The following KCNB2 variants were observed in gnomAD, a reference collection of about 807,000 sequenced individuals.
KCNB2 encodes the protein delayed rectifier potassium channel protein.
Under a neutral mutation model 61.5 loss-of-function variants are expected in KCNB2, and 15 were observed. That is an observed-to-expected ratio of 0.24 (90% CI 0.16 to 0.38). The LOEUF is 0.38. Ranked by LOEUF, KCNB2 falls within the 10% of genes least tolerant of loss-of-function variation. KCNB2 has a pLI of 1.00. For synonymous variants in KCNB2, 457 were observed against 446.0 expected (o/e 1.02, Z -0.31); for missense variants, 828 against 1,125.2 (o/e 0.74, Z 3.78).
At chr8:72,746,085 A>G (rs1266034324) in intron 2 of KCNB2, among the ~76,000 whole-genome samples, 1 of 152,206 alleles carries the variant, frequency 6.6e-6, no homozygotes, top group Non-Finnish European at 1.5e-5. Context: ...CAGAAGCAGT[A>G]CTTGTTGCTT....
chr8:72,859,314 A>G (rs1454102674), intron 2 of KCNB2, among the ~76,000 whole-genome samples: 1 of 152,330 alleles, frequency 6.6e-6, no homozygotes, highest in Non-Finnish European at 1.5e-5. Flanking sequence ...GCAGTGTCCT[A>G]TAAGTTATCA....
intron 2 of KCNB2, among the ~76,000 whole-genome samples, chr8:72,862,254 A>AT (rs982493321): frequency 5.9e-5 from 9 of 152,234 alleles, no homozygotes; most frequent in Admixed American, 2.0e-4. Context: ...ACCATTTTTA[A>AT]TTTTTGCAAG....
intron 2 of KCNB2, among the ~76,000 whole-genome samples, chr8:72,928,230 T>C (rs1806695472): frequency 6.6e-6 from 1 of 150,542 alleles, no homozygotes; most frequent in African/African-American, 2.5e-5. Flanking sequence ...TCTTCTTCTG[T>C]CACCCAGGCT....
intron 2 of KCNB2, among the ~76,000 whole-genome samples, chr8:72,613,298 G>A (rs1472282318): frequency 3.3e-5 from 5 of 152,080 alleles, no homozygotes; most frequent in Admixed American, 6.5e-5. Flanking sequence ...CAAAGCAGGC[G>A]ATCACATCTG....
chr8:72,557,673 A>G (rs1806449602), intron 1 of KCNB2, among the ~76,000 whole-genome samples: 1 of 152,218 alleles, frequency 6.6e-6, no homozygotes, highest in South Asian at 2.1e-4. Flanking sequence ...AGTGACAGAA[A>G]GCACTTGAGG....
rs181871770 is a variant in KCNB2 at position 72,704,404 on chromosome 8, T to C, written c.579+136091T>C. Among the ~76,000 whole-genome samples the C allele has an allele frequency of 7.8e-3, 1,185 of 152,248 alleles. 11 individuals carry two copies. Among genetic ancestry groups the C allele is most frequent in the African/African-American group, 0.027 (1,131 of 41,544 alleles). On this transcript the variant is annotated intron_variant, in intron 2 of 2. Transcript: ENST00000523207. ...CAAAATCAACTATTAAGGGCTATTATTACCCTAAAATTTTGCCAGGGGTCT... is the reference window on the plus strand; with the variant it reads ...CAAAATCAACTATTAAGGGCTATTACTACCCTAAAATTTTGCCAGGGGTCT...
At chr8:72,822,424 T>A (rs1199179705) in intron 2 of KCNB2, among the ~76,000 whole-genome samples, 1 of 151,978 alleles carries the variant, frequency 6.6e-6, no homozygotes, top group Non-Finnish European at 1.5e-5. Context: ...TGAGACAACA[T>A]CCAGTCATCA....
At chr8:72,792,201 G>A (rs1248822084) in intron 2 of KCNB2, among the ~76,000 whole-genome samples, 1 of 152,164 alleles carries the variant, frequency 6.6e-6, no homozygotes, top group Admixed American at 6.5e-5. Context: ...CTTGCTCCAG[G>A]ATGCCTTCTT....
At chr8:72,643,282 C>T (rs1306408452) in intron 2 of KCNB2, among the ~76,000 whole-genome samples, 1 of 152,162 alleles carries the variant, frequency 6.6e-6, no homozygotes, top group African/African-American at 2.4e-5. Context: ...CTGTGCTAGA[C>T]ATCAGCATGT....
intron 2 of KCNB2, among the ~76,000 whole-genome samples, chr8:72,574,802 C>G (rs893087584): frequency 1.5e-4 from 23 of 152,214 alleles, no homozygotes; most frequent in African/African-American, 5.3e-4. Flanking sequence ...TTTATATACA[C>G]TGCTTTGATT....
chr8:72,749,066 G>A lies in KCNB2; in HGVS notation c.579+180753G>A, dbSNP rs112632811. Among the ~76,000 whole-genome samples, 375 of 152,124 alleles carry A rather than the reference G, an allele frequency of 2.5e-3. 2 individuals are homozygous for A. The highest frequency in any genetic ancestry group is 8.6e-3 in the African/African-American group (355 of 41,514). ...GTGTATAGTACTCCAGAACCTCAGG[G>A]TCTTTTCTAGTCCACTCATAGATTC... On this transcript the variant is annotated intron_variant, in intron 2 of 2. Coordinates refer to ENST00000523207, the MANE Select transcript of KCNB2 (RefSeq NM_004770.3).
At chr8:72,607,935 A>G (rs534167747) in intron 2 of KCNB2, among the ~76,000 whole-genome samples, 20 of 152,320 alleles carry the variant, frequency 1.3e-4, no homozygotes, top group African/African-American at 4.6e-4. Context: ...TCATCCACTC[A>G]TCATTATTAA....
chr8:72,568,586 G>T (rs889425065), intron 2 of KCNB2, among the ~76,000 whole-genome samples: 1 of 152,150 alleles, frequency 6.6e-6, no homozygotes, highest in Non-Finnish European at 1.5e-5. Context: ...TTTTCCTGGC[G>T]CTGTATCAGG....
chr8:72,606,613 G>T (rs1805456034), intron 2 of KCNB2, among the ~76,000 whole-genome samples: 1 of 152,134 alleles, frequency 6.6e-6, no homozygotes, highest in Non-Finnish European at 1.5e-5. Context: ...CTATGGTATT[G>T]GTCCCTTCGG....
intron 2 of KCNB2, among the ~76,000 whole-genome samples, chr8:72,824,258 G>A (rs923824624): frequency 2.0e-5 from 3 of 152,066 alleles, no homozygotes; most frequent in East Asian, 1.9e-4. Context: ...AGGGTGAGAC[G>A]CAAGGGAGTA....
intron 2 of KCNB2, among the ~76,000 whole-genome samples, chr8:72,835,359 G>A (rs540877456): frequency 1.1e-4 from 16 of 152,282 alleles, no homozygotes; most frequent in Middle Eastern, 3.4e-3. Context: ...GAAAGAGAAA[G>A]CAATAGACAA....
chr8:72,897,098 T>C (rs1283707037), intron 2 of KCNB2, among the ~76,000 whole-genome samples: 1 of 152,108 alleles, frequency 6.6e-6, no homozygotes, highest in African/African-American at 2.4e-5. Flanking sequence ...ATCATTACAA[T>C]GTAGGAAATT....
chr8:72,937,734 G>T lies in KCNB2; in HGVS notation c.2379G>T (p.Leu793=). 1 of 1,613,986 alleles carries T rather than the reference G, an allele frequency of 6.2e-7. No individual in the cohort carries two copies. The highest frequency in any genetic ancestry group is 8.5e-7 in the Non-Finnish European group (1 of 1,180,012). The change falls in exon 3 of 3, where the codon CTG becomes CTT. Residue 793 remains leucine, a synonymous_variant. Transcript: ENST00000523207. Reference sequence around the variant, plus strand: ...CCCCCAGGTTTCCCAAGCAGAAACTGTTCCCTTTCTCTTCAAGAGAGAGGA... The same window carrying T: ...CCCCCAGGTTTCCCAAGCAGAAACTTTTCCCTTTCTCTTCAAGAGAGAGGA... ...GLSPRFPKQK[L]FPFSSRERRS...
chr8:72,650,454 G>A (rs1401765439), intron 2 of KCNB2, among the ~76,000 whole-genome samples: 9 of 152,140 alleles, frequency 5.9e-5, no homozygotes, highest in Non-Finnish European at 1.3e-4. Flanking sequence ...GACACTTTCA[G>A]TACATTTCAT....
Sources: allele counts gnomAD v4.1 joint callset (sites outside exome capture counted in the v4.1 genomes callset), GRCh38; gene constraint gnomAD v4.1.1; transcripts MANE v1.5; gene names NCBI Gene and HGNC (gene_info 2026-07-23, HGNC 2026-07-21).